The following KDM4C variants were observed in gnomAD, a reference collection of about 807,000 sequenced individuals.
The protein encoded by KDM4C is lysine-specific demethylase 4C.
Under a neutral mutation model 129.3 loss-of-function variants are expected in KDM4C, and 81 were observed. The observed-to-expected ratio is 0.63, with a 90% CI of 0.52 to 0.75. KDM4C has a LOEUF of 0.75. KDM4C is among the 30% of genes least tolerant of loss of function. The probability of loss-of-function intolerance (pLI) is 0.00; values close to 1 mark genes in which losing one functional copy is unlikely to be tolerated. For missense variants in KDM4C, 1,457 were observed against 1,304.0 expected (o/e 1.12, Z -1.81); for synonymous variants, 573 against 456.1 (o/e 1.26, Z -3.26).
intron 15 of KDM4C, among the ~76,000 whole-genome samples, chr9:7,024,514 T>C (rs12236257): frequency 0.1 from 15,167 of 148,850 alleles, 1,075 homozygotes; most frequent in African/African-American, 0.18. Context: ...CCCTGGAGTG[T>C]GATGTTCCCC....
chr9:6,925,232 G>A, intron 8 of KDM4C: 1 of 985,372 alleles, frequency 1.0e-6, no homozygotes. Context: ...CTGTGGCAGA[G>A]CTTCAGACGG....
At chr9:6,778,839 A>G (rs1490076048) in intron 1 of KDM4C, among the ~76,000 whole-genome samples, 27 of 147,946 alleles carry the variant, frequency 1.8e-4, no homozygotes, top group African/African-American at 6.5e-4. Context: ...TTTAATTATG[A>G]GAAGGAGTCT....
chr9:7,135,149 C>A (rs957821780), intron 19 of KDM4C, among the ~76,000 whole-genome samples: 12 of 152,176 alleles, frequency 7.9e-5, no homozygotes, highest in Non-Finnish European at 1.5e-5. Flanking sequence ...GCGACAGTTT[C>A]CACTCATCAC....
At chr9:7,068,047 C>A (rs1046104772) in intron 17 of KDM4C, among the ~76,000 whole-genome samples, 18 of 152,156 alleles carry the variant, frequency 1.2e-4, no homozygotes, top group Non-Finnish European at 1.9e-4. Context: ...CCACCCGCCT[C>A]GGCCTCCCAA....
chr9:6,859,441 C>G (rs549790289), intron 5 of KDM4C, among the ~76,000 whole-genome samples: 13 of 140,462 alleles, frequency 9.3e-5, no homozygotes, highest in Admixed American at 8.2e-4. Context: ...CGCCACTGCA[C>G]TCCAGCCTGG....
intron 8 of KDM4C, among the ~76,000 whole-genome samples, chr9:6,955,192 C>G (rs557499684): frequency 1.3e-5 from 2 of 152,290 alleles, no homozygotes; most frequent in Admixed American, 1.3e-4. Context: ...AGCAGAAATT[C>G]TTCTACTGTG....
chr9:6,806,582 A>C (rs1361692424), intron 3 of KDM4C, among the ~76,000 whole-genome samples: 1 of 152,136 alleles, frequency 6.6e-6, no homozygotes, highest in East Asian at 1.9e-4. Flanking sequence ...TCTGAAGGTC[A>C]GGAATCTGAC....
chr9:7,112,282 G>T (rs1838411433), intron 18 of KDM4C, among the ~76,000 whole-genome samples: 1 of 152,112 alleles, frequency 6.6e-6, no homozygotes, highest in Non-Finnish European at 1.5e-5. Flanking sequence ...TACAGTGGAT[G>T]GTCCCATGCG....
rs146934284 is a variant in KDM4C, at chr9:6,794,550, G to T, written c.144+1418G>T. On this transcript the variant is annotated intron_variant, in intron 2 of 21. Transcript: ENST00000381309. Reference sequence around the variant, plus strand: ...ACATTATTTTGAAAAGATCACACTGGCTCCTACATGAAGAATGAATTGGTG... The same window carrying T: ...ACATTATTTTGAAAAGATCACACTGTCTCCTACATGAAGAATGAATTGGTG... Among the ~76,000 whole-genome samples the T allele has an allele frequency of 7.3e-3, 1,113 of 152,188 alleles. 16 individuals are homozygous for T. The highest frequency in any genetic ancestry group is 0.025 in the African/African-American group (1,058 of 41,514).
chr9:7,119,714 A>G (rs1048238610), intron 18 of KDM4C, among the ~76,000 whole-genome samples: 3 of 152,206 alleles, frequency 2.0e-5, no homozygotes, highest in African/African-American at 7.2e-5. Context: ...TATTTTATGC[A>G]TTTGAAAACA....
chr9:7,043,932 C>G (rs1174524813), intron 15 of KDM4C, among the ~76,000 whole-genome samples: 1 of 151,878 alleles, frequency 6.6e-6, no homozygotes, highest in Non-Finnish European at 1.5e-5. Flanking sequence ...TTCACTCTTC[C>G]CTGTTTTGCC....
At chr9:6,774,676 G>C (rs916191517) in intron 1 of KDM4C, among the ~76,000 whole-genome samples, 2 of 151,936 alleles carry the variant, frequency 1.3e-5, no homozygotes, top group Non-Finnish European at 2.9e-5. Flanking sequence ...TTTTAACATA[G>C]CATTAAAATA....
At position 6,730,249 on chromosome 9, in the gene KDM4C, C is replaced by T. The variant is rs185304007; in HGVS notation, c.49+9252C>T. On this transcript the variant is annotated intron_variant, in intron 1 of 17. Coordinates refer to the KDM4C transcript ENST00000536108. ...TGATCCTAATTTCCTGGACCTGATT[C>T]TAAGCTGAAACTTGATACTTTATAG... is the stretch of plus-strand genomic sequence containing the variant. Among the ~76,000 whole-genome samples the T allele has an allele frequency of 2.2e-4, 34 of 152,312 alleles. No homozygotes were observed. In the East Asian group the frequency reaches 6.6e-3, roughly 29 times the overall value.
chr9:6,822,918 T>G (rs888914590), intron 4 of KDM4C, among the ~76,000 whole-genome samples: 3 of 152,214 alleles, frequency 2.0e-5, no homozygotes, highest in Non-Finnish European at 4.4e-5. Context: ...GAGCTAAGAA[T>G]AGACATCAGC....
chr9:7,153,317 G>C (rs1037790267), intron 19 of KDM4C, among the ~76,000 whole-genome samples: 3 of 152,202 alleles, frequency 2.0e-5, no homozygotes, highest in African/African-American at 7.2e-5. Context: ...TTAACAAGCA[G>C]TCCAAAGTGG....
chr9:6,739,303 C>G (rs1168610276), intron 1 of KDM4C, among the ~76,000 whole-genome samples: 2 of 151,768 alleles, frequency 1.3e-5, no homozygotes, highest in Non-Finnish European at 2.9e-5. Context: ...GAACTCCTGT[C>G]CTCAGGTGAC....
intron 4 of KDM4C, 48 bp downstream of exon 4, chr9:6,814,793 A>G (rs1468110015): frequency 8.1e-7 from 1 of 1,227,930 alleles, no homozygotes; most frequent in East Asian, 2.4e-5. Context: ...TGGATGTGAC[A>G]GTTTTGTTAC....
chr9:6,737,208 C>T (rs1013861584), intron 1 of KDM4C, among the ~76,000 whole-genome samples: 5 of 151,918 alleles, frequency 3.3e-5, no homozygotes, highest in African/African-American at 1.2e-4. Flanking sequence ...TAAAGAGCTT[C>T]TGCACAGTAA....
intron 21 of KDM4C, among the ~76,000 whole-genome samples, chr9:7,174,251 C>CCTCGTTGGGCA (rs1554771246): frequency 0.31 from 5,935 of 18,856 alleles, 355 homozygotes; most frequent in East Asian, 0.51. Context: ...TTGTCAAAAA[C>CCTCGTTGGGCA]AGAGGGGAGA....
Sources: gnomAD v4.1 joint callset for allele counts (sites outside exome capture counted in the v4.1 genomes callset) on GRCh38, gnomAD v4.1.1 for gene constraint, MANE v1.5 for transcripts, NCBI Gene and HGNC (gene_info 2026-07-23, HGNC 2026-07-21) for gene names.